Variants in NCALD observed in about 807,000 individuals in gnomAD.
NCALD encodes neurocalcin-delta.
Under a neutral mutation model 18.6 loss-of-function variants are expected in NCALD, and 10 were observed. That is an observed-to-expected ratio of 0.54 (90% CI 0.33 to 0.91). The LOEUF (loss-of-function observed/expected upper bound fraction) is 0.91. Among genes scored for constraint, NCALD ranks in the 40% least tolerant of loss-of-function variants. The pLI, the probability that NCALD is intolerant of heterozygous loss-of-function variation, is 0.03. For synonymous variants in NCALD, 88 were observed against 87.4 expected, an observed-to-expected ratio of 1.01 and a Z score of -0.04; for missense variants, 184 against 247.6, an observed-to-expected ratio of 0.74 and a Z score of 1.72.
chr8:101,845,517 C>T lies in NCALD; in HGVS notation c.-20+41624G>A, dbSNP rs1814831466. Among the ~76,000 whole-genome samples, 3 of 152,312 alleles carry T rather than the reference C, an allele frequency of 2.0e-5. No individual in the cohort carries two copies. The South Asian group carries it at 6.2e-4, about 32-fold the overall frequency. On this transcript the variant is annotated intron_variant, in intron 4 of 6. Transcript: ENST00000311028. Reference sequence around the variant, plus strand: ...ATTGAAGCTCAAGGATTATACATTTCAAATACTCTTTCTTTTTCATTGATT... The same window carrying T: ...ATTGAAGCTCAAGGATTATACATTTTAAATACTCTTTCTTTTTCATTGATT...
intron 2 of NCALD, among the ~76,000 whole-genome samples, chr8:101,958,289 G>C (rs1192354802): frequency 6.6e-6 from 1 of 152,054 alleles, no homozygotes; most frequent in Non-Finnish European, 1.5e-5. Context: ...GGCCAAGGAT[G>C]GACCAACAGG....
At chr8:101,791,241 G>A (rs1199036153), upstream of NCALD, among the ~76,000 whole-genome samples, 1 of 152,082 alleles carries the variant, frequency 6.6e-6, no homozygotes, top group Non-Finnish European at 1.5e-5. Flanking sequence ...CCTCTTTAAG[G>A]CTTTGGTGTC....
chr8:102,049,319 G>A (rs553753628), intron 1 of NCALD, among the ~76,000 whole-genome samples: 2 of 152,324 alleles, frequency 1.3e-5, no homozygotes, highest in South Asian at 4.1e-4. Context: ...CATGGATATC[G>A]AGGGACAGTG....
intron 1 of NCALD, among the ~76,000 whole-genome samples, chr8:102,072,150 GA>G (rs969817690): frequency 6.6e-6 from 1 of 152,094 alleles, no homozygotes; most frequent in African/African-American, 2.4e-5. Flanking sequence ...TATCCAAATA[GA>G]AATTAAACAT....
chr8:102,003,688 G>A (rs932088555), intron 2 of NCALD, among the ~76,000 whole-genome samples: 1 of 152,210 alleles, frequency 6.6e-6, no homozygotes, highest in Admixed American at 6.5e-5. Context: ...CCATGATCAA[G>A]TGGGCTTCAT....
chr8:101,741,961 A>AAG (rs1810212425), intron 1 of NCALD, among the ~76,000 whole-genome samples: 1 of 136,388 alleles, frequency 7.3e-6, no homozygotes. Flanking sequence ...AAAGAAAAGA[A>AAG]AAAAAAAAAG....
chr8:102,000,900 G>C (rs1247011376), intron 2 of NCALD, among the ~76,000 whole-genome samples: 3 of 152,076 alleles, frequency 2.0e-5, no homozygotes, highest in Non-Finnish European at 4.4e-5. Context: ...AAAGACCAAA[G>C]GTAGACAAAA....
At position 102,117,475 on chromosome 8, in the gene NCALD, T is replaced by C. The variant is rs539882815; in HGVS notation, c.-210+6762A>G. On this transcript the variant is annotated intron_variant, in intron 1 of 6. Coordinates refer to the NCALD transcript ENST00000311028. The stretch of plus-strand genomic sequence containing the variant: ...TCCGCCAGCTCATGAGAAATCCCCT[T>C]AACTTGTACCAGTCAGGGCAGCACA... Among the ~76,000 whole-genome samples the C allele has an allele frequency of 1.2e-4, 18 of 152,298 alleles. No homozygotes were observed. The South Asian group carries it at 3.1e-3, about 26-fold the overall frequency.
intron 1 of NCALD, among the ~76,000 whole-genome samples, chr8:101,744,202 C>T (rs1363236379): frequency 1.3e-5 from 2 of 152,200 alleles, no homozygotes; most frequent in African/African-American, 4.8e-5. Flanking sequence ...CAGTCCAGCC[C>T]CCTCAGTCCC....
intron 2 of NCALD, among the ~76,000 whole-genome samples, chr8:101,947,571 G>A (rs1011101978): frequency 5.3e-5 from 8 of 152,254 alleles, no homozygotes; most frequent in East Asian, 1.9e-4. Context: ...TAAATTCCCA[G>A]GATCCTCAGT....
At chr8:101,742,471 TAAGAA>T (rs1047955338) in intron 1 of NCALD, among the ~76,000 whole-genome samples, 1 of 152,138 alleles carries the variant, frequency 6.6e-6, no homozygotes, top group African/African-American at 2.4e-5. Context: ...TTTTCCATTA[TAAGAA>T]AATTATGCAA....
In NCALD at chr8:101,730,115, A is replaced by G. The variant is rs372589150; in HGVS notation, c.-19-10467T>C. On this transcript the variant is annotated intron_variant, in intron 1 of 3. Transcript: ENST00000220931. ...CGTATCCCCTTAGACATTTAAATGC[A>G]TATGTATGAAACCCATATACTCTAA... 4.6e-5 allele frequency among the ~76,000 whole-genome samples: 7 copies of G among 152,208 alleles called. No individual in the cohort carries two copies. In the East Asian group the frequency reaches 1.3e-3, roughly 29 times the overall value.
intron 2 of NCALD, among the ~76,000 whole-genome samples, chr8:101,702,666 T>G (rs962084688): frequency 6.6e-6 from 1 of 152,248 alleles, no homozygotes; most frequent in Non-Finnish European, 1.5e-5. Flanking sequence ...GGAAGTTAGA[T>G]GTAGCCTTAA....
Position 101,933,749 on chromosome 8 carries a change from A to G in NCALD, c.-156-17891T>C, listed in dbSNP as rs149770720. 9.0e-3 allele frequency among the ~76,000 whole-genome samples: 1,374 copies of G among 152,292 alleles called. 9 individuals carry two copies. Among genetic ancestry groups the G allele is most frequent in the African/African-American group, 0.018 (729 of 41,546 alleles). ...CCTGTCTTGGGGGTTGGAGGCCTCA[A>G]GGCAGCAGAATCTCTGTGCCATGAG... On this transcript the variant is annotated intron_variant, in intron 2 of 6. Coordinates refer to the NCALD transcript ENST00000311028.
chr8:101,938,688 A>C (rs1818849990), intron 2 of NCALD, among the ~76,000 whole-genome samples: 1 of 152,234 alleles, frequency 6.6e-6, no homozygotes, highest in African/African-American at 2.4e-5. Flanking sequence ...CAATAGAAAG[A>C]TGCAACAAAT....
chr8:101,824,806 A>G (rs543199698), intron 4 of NCALD, among the ~76,000 whole-genome samples: 3 of 152,278 alleles, frequency 2.0e-5, no homozygotes, highest in African/African-American at 7.2e-5. Context: ...GATGTGAAAA[A>G]TTTGCTTTTC....
At chr8:101,900,880 T>C (rs993372466) in intron 3 of NCALD, among the ~76,000 whole-genome samples, 2 of 152,086 alleles carry the variant, frequency 1.3e-5, no homozygotes, top group African/African-American at 4.8e-5. Flanking sequence ...TCTCTATGTT[T>C]GCTGGTTTTC....
At chr8:101,735,685 A>G (rs529346565) in intron 1 of NCALD, among the ~76,000 whole-genome samples, 33 of 152,324 alleles carry the variant, frequency 2.2e-4, no homozygotes, top group African/African-American at 7.9e-4. Flanking sequence ...AACTCTAGTA[A>G]TCCACATCAC....
chr8:102,028,926 G>C (rs904657561), intron 1 of NCALD: 3 of 152,188 alleles, frequency 2.0e-5, no homozygotes, highest in African/African-American at 7.2e-5. Context: ...TGTCACCCCA[G>C]AGTGGTGACA....
Sources: allele counts gnomAD v4.1 joint callset (sites outside exome capture counted in the v4.1 genomes callset), GRCh38; gene constraint gnomAD v4.1.1; transcripts MANE v1.5; gene names NCBI Gene and HGNC (gene_info 2026-07-23, HGNC 2026-07-21).